The following NOS2 variants were observed in gnomAD, a reference collection of about 807,000 sequenced individuals.
NOS2 encodes nitric oxide synthase, inducible.
A neutral mutation model predicts 136.0 loss-of-function variants in NOS2; 96 were observed. The observed-to-expected ratio is 0.71, with a 90% CI of 0.60 to 0.84. The LOEUF (loss-of-function observed/expected upper bound fraction) is 0.84. Ranked by LOEUF, NOS2 falls within the 40% of genes least tolerant of loss-of-function variation. NOS2 has a pLI of 0.00. For synonymous variants in NOS2, 539 were observed against 587.5 expected (o/e 0.92, Z 1.20); for missense variants, 1,237 against 1,496.9 (o/e 0.83, Z 2.87).
At chr17:27,765,891 A>G (rs1908285543) in intron 19 of NOS2, among the ~76,000 whole-genome samples, 175 bp from the exon 20 acceptor site, 1 of 152,156 alleles carries the variant, frequency 6.6e-6, no homozygotes, top group African/African-American at 2.4e-5. Context: ...AGGGGTGCTT[A>G]AGAGGGCCCC....
intron 17 of NOS2, among the ~76,000 whole-genome samples, chr17:27,768,394 C>A (rs1289231198): frequency 6.6e-6 from 1 of 152,154 alleles, no homozygotes; most frequent in Admixed American, 6.6e-5. Flanking sequence ...TATCCTCATG[C>A]CCACACTGGA....
rs532008836 is a variant in NOS2 at position 27,799,602 on chromosome 17, G to A, written c.-73-720C>T. 9.2e-5 allele frequency among the ~76,000 whole-genome samples: 14 copies of A among 152,286 alleles called. No homozygotes were observed. The South Asian group carries it at 2.1e-3, about 23-fold the overall frequency. On this transcript the variant is annotated intron_variant, in intron 1 of 26. Transcript: ENST00000313735. ...CTCACGCCTGTAATCCCAGCATTTCGGGAGACCGAGGCAGGAGGATCGCTT... is the reference window on the plus strand; with the variant it reads ...CTCACGCCTGTAATCCCAGCATTTCAGGAGACCGAGGCAGGAGGATCGCTT...
At chr17:27,778,200 CCTT>C (rs1426933899) in intron 11 of NOS2, among the ~76,000 whole-genome samples, 2 of 151,976 alleles carry the variant, frequency 1.3e-5, no homozygotes, top group African/African-American at 2.4e-5. Flanking sequence ...GTCAGGGAGG[CCTT>C]CTTTTTTTTT....
intron 2 of NOS2, chr17:27,793,603 C>T (rs2142528770): frequency 2.5e-6 from 1 of 397,600 alleles, no homozygotes; most frequent in East Asian, 3.6e-5. Context: ...TCTGCGCGGG[C>T]AGCAGTCAGG....
At chr17:27,764,503 A>C (rs1318225757) in intron 20 of NOS2, among the ~76,000 whole-genome samples, 1 of 152,252 alleles carries the variant, frequency 6.6e-6, no homozygotes, top group Non-Finnish European at 1.5e-5. Flanking sequence ...TTGTTCACTT[A>C]GAGAGAAGCC....
chr17:27,791,787 C>CAAAAAACAA (rs1909200797), intron 2 of NOS2, among the ~76,000 whole-genome samples: 3 of 113,600 alleles, frequency 2.6e-5, no homozygotes, highest in African/African-American at 9.5e-5. Flanking sequence ...CAAAACAAAA[C>CAAAAAACAA]AAAACAAAAC....
chr17:27,795,858 G>A (rs966668723), intron 2 of NOS2, among the ~76,000 whole-genome samples: 3 of 152,192 alleles, frequency 2.0e-5, no homozygotes, highest in Admixed American at 2.0e-4. Context: ...GGTCAAGTTA[G>A]CTGGTTTGTC....
chr17:27,768,795 G>C (rs561683819), intron 17 of NOS2, among the ~76,000 whole-genome samples, 182 bp downstream of exon 17: 1 of 152,328 alleles, frequency 6.6e-6, no homozygotes, highest in Admixed American at 6.5e-5. Flanking sequence ...CTCTTCTAGG[G>C]GGCTGAGGGA....
At chr17:27,782,553 C>A (rs966331837) in intron 6 of NOS2, among the ~76,000 whole-genome samples, 10 of 152,188 alleles carry the variant, frequency 6.6e-5, no homozygotes, top group Non-Finnish European at 1.3e-4. Context: ...GACTCCCCAA[C>A]AAAAAGATGG....
intron 19 of NOS2, 114 bp from the exon 20 acceptor site, chr17:27,765,830 T>A: frequency 8.4e-7 from 1 of 1,194,204 alleles, no homozygotes; most frequent in Non-Finnish European, 1.2e-6. Context: ...CCTGGCTGGT[T>A]CCACAAGCTA....
At chr17:27,762,201 A>G (rs28944196) in intron 22 of NOS2, among the ~76,000 whole-genome samples, 65,253 of 151,704 alleles carry the variant, frequency 0.43, 14,313 homozygotes, top group South Asian at 0.56. Context: ...AGCACAATGA[A>G]AATCATCTAA....
rs544287599 is a variant in NOS2, at chr17:27,797,362, C to T, written c.110+1338G>A. Among the ~76,000 whole-genome samples, 3 of 152,350 alleles carry T rather than the reference C, an allele frequency of 2.0e-5. No homozygotes were observed. The South Asian group carries it at 6.2e-4, about 32-fold the overall frequency. ...GCCAGGCCCTGTGCTAAGTTGCTCA[C>T]ATGGGAAAGCTCATTTACTCCTTCC... On this transcript the variant is annotated intron_variant, in intron 2 of 26. Transcript: ENST00000313735.
At chr17:27,795,801 T>A (rs763027471) in intron 2 of NOS2, among the ~76,000 whole-genome samples, 1 of 152,188 alleles carries the variant, frequency 6.6e-6, no homozygotes, top group Non-Finnish European at 1.5e-5. Context: ...TCTGACTGGA[T>A]CCTTTCCGCC....
intron 4 of NOS2, among the ~76,000 whole-genome samples, chr17:27,788,426 T>G (rs1909090015): frequency 6.6e-6 from 1 of 152,220 alleles, no homozygotes; most frequent in Admixed American, 6.5e-5. Flanking sequence ...TGAACCCCTC[T>G]GCAATCTATC....
Position 27,796,100 on chromosome 17 carries a change from G to A in NOS2, c.110+2600C>T, listed in dbSNP as rs546596036. Among the ~76,000 whole-genome samples the A allele has an allele frequency of 3.9e-5, 6 of 152,206 alleles. 1 individual carries two copies. In the South Asian group the frequency reaches 1.2e-3, roughly 32 times the overall value. ...GGGCCCAGAGTTCGAGGGCAGCCTG[G>A]ACAACAGAGCAAGATTCTCAGCTTT... On this transcript the variant is annotated intron_variant, in intron 2 of 26. Coordinates refer to ENST00000313735, the MANE Select transcript of NOS2 (RefSeq NM_000625.4).
intron 4 of NOS2, among the ~76,000 whole-genome samples, chr17:27,788,377 G>T (rs1423869086): frequency 6.6e-6 from 1 of 152,090 alleles, no homozygotes; most frequent in African/African-American, 2.4e-5. Context: ...ACAGAAAGAA[G>T]CCTGAAAAGA....
At chr17:27,759,100 T>TC in intron 25 of NOS2, 25 bp from the exon 26 acceptor site, 2 of 1,537,812 alleles carry the variant, frequency 1.3e-6, no homozygotes, top group Non-Finnish European at 1.8e-6. Context: ...AACAGTGGGT[T>TC]CAGTCCTCAG....
chr17:27,758,265 G>A (rs889380652), intron 26 of NOS2, among the ~76,000 whole-genome samples: 58 of 152,166 alleles, frequency 3.8e-4, no homozygotes, highest in African/African-American at 1.3e-3. Flanking sequence ...GAGGCAGACT[G>A]AACTCTAGGC....
At chr17:27,776,887 C>A (rs1195770563) in intron 11 of NOS2, among the ~76,000 whole-genome samples, 1 of 152,152 alleles carries the variant, frequency 6.6e-6, no homozygotes, top group Admixed American at 6.5e-5. Flanking sequence ...AAGGGCCCAT[C>A]TTTTGAAGTT....
Sources: gnomAD v4.1 joint callset for allele counts (sites outside exome capture counted in the v4.1 genomes callset) on GRCh38, gnomAD v4.1.1 for gene constraint, MANE v1.5 for transcripts, NCBI Gene and HGNC (gene_info 2026-07-23, HGNC 2026-07-21) for gene names.